The following PISD variants were observed in gnomAD, a reference collection of about 807,000 sequenced individuals.
PISD encodes phosphatidylserine decarboxylase.
Under a neutral mutation model 43.5 loss-of-function variants are expected in PISD, and 31 were observed. That is an observed-to-expected ratio of 0.71 (90% confidence interval 0.54 to 0.96). The LOEUF (loss-of-function observed/expected upper bound fraction) is 0.96, where lower values mean the gene tolerates loss of function less well. PISD is among the 40% of genes least tolerant of loss of function. PISD has a pLI of 0.00. For missense variants in PISD, 523 were observed against 548.4 expected, an observed-to-expected ratio of 0.95 and a Z score of 0.46; for synonymous variants, 259 against 228.7, an observed-to-expected ratio of 1.13 and a Z score of -1.20.
rs16989329 is a variant in PISD, at chr22:31,619,431, G to A, written c.*181C>T. 11,360 of 685,188 alleles carry A rather than the reference G, an allele frequency of 0.017. 115 individuals are homozygous for A. The highest frequency in any genetic ancestry group is 0.041 in the African/African-American group (2,341 of 57,012). 42.4% of individuals were successfully genotyped at this position (685,188 alleles called of 1,614,324 possible). ...GTTGAGGGGCATGATGGGGGCTCTC[G>A]CCACCTCTTGTCTGCACCTCTGGAA... On this transcript the variant is annotated 3_prime_UTR_variant, in exon 8 of 8. Transcript: ENST00000439502.
At chr22:31,648,001 A>G in intron 3 of PISD, 100 bp downstream of exon 3, 1 of 1,028,854 alleles carries the variant, frequency 9.7e-7, no homozygotes, top group Non-Finnish European at 1.4e-6. Context: ...CCAAGAAAGC[A>G]TATTTGACTT....
chr22:31,657,024 G>A lies in PISD; in HGVS notation c.65+5120C>T, dbSNP rs552595408. ...GCATATATATCTATGTGTTACATGA[G>A]CTAGTTTGATACAGGCACGCAATAT... On this transcript the variant is annotated intron_variant, in intron 1 of 7. Coordinates refer to ENST00000439502, the MANE Select transcript of PISD (RefSeq NM_001326411.2). Among the ~76,000 whole-genome samples the A allele has an allele frequency of 6.6e-5, 10 of 152,242 alleles. No individual in the cohort carries two copies. In the East Asian group the frequency reaches 1.9e-3, roughly 29 times the overall value.
chr22:31,620,344 C>A (rs1007460633), intron 7 of PISD, among the ~76,000 whole-genome samples: 3 of 152,254 alleles, frequency 2.0e-5, no homozygotes, highest in Non-Finnish European at 4.4e-5. Context: ...CCAGCCACTT[C>A]CAGCCAGCAG....
chr22:31,623,835 T>A, intron 3 of PISD: 1 of 1,613,474 alleles, frequency 6.2e-7, no homozygotes, highest in Non-Finnish European at 8.5e-7. Context: ...CAGGGCCAGC[T>A]GGGGGAAGTG....
upstream of PISD, chr22:31,662,230 T>A (rs781098843): frequency 9.8e-5 from 157 of 1,600,704 alleles, 2 homozygotes; most frequent in Admixed American, 2.0e-3. Context: ...CTTCTCAGCG[T>A]GCCACGCCCC....
intron 3 of PISD, among the ~76,000 whole-genome samples, chr22:31,637,075 C>G (rs543759395): frequency 6.8e-6 from 1 of 147,290 alleles, no homozygotes; most frequent in East Asian, 2.0e-4. Flanking sequence ...ATCACTTGAG[C>G]CCAGGAGGTT....
At chr22:31,624,706 A>C (rs1338333576) in intron 3 of PISD, among the ~76,000 whole-genome samples, 1 of 126,346 alleles carries the variant, frequency 7.9e-6, no homozygotes, top group East Asian at 2.4e-4. Context: ...CCTTTCAGCA[A>C]AGGTGGACAC....
chr22:31,620,416 G>A, intron 7 of PISD, 137 bp downstream of exon 7: 2 of 812,146 alleles, frequency 2.5e-6, no homozygotes, highest in Non-Finnish European at 3.8e-6. Flanking sequence ...CAGGACAGCT[G>A]CTCAGCAGAG....
chr22:31,651,517 G>A (rs112954137), intron 1 of PISD, among the ~76,000 whole-genome samples: 1,674 of 152,214 alleles, frequency 0.011, 32 homozygotes, highest in African/African-American at 0.038. Flanking sequence ...GGGAGGCCGA[G>A]GCGGGCAGAT....
intron 3 of PISD, among the ~76,000 whole-genome samples, chr22:31,647,491 G>C (rs1007778294): frequency 6.6e-6 from 1 of 151,966 alleles, no homozygotes; most frequent in Admixed American, 6.6e-5. Flanking sequence ...TTTTTTATTT[G>C]TTAAATTATG....
chr22:31,621,644 C>T lies in PISD; in HGVS notation c.558+5G>A. ...TTCCTGCAGGAGGAAAGGGTCAGGC[C>T]TCACCACGCTGTGCAGGCCACAGAC... is the stretch of plus-strand genomic sequence containing the variant. On this transcript the variant is annotated splice_donor_5th_base_variant and intron_variant, in intron 4 of 7. Coordinates refer to ENST00000439502, the MANE Select transcript of PISD (RefSeq NM_001326411.2). The T allele has an allele frequency of 3.1e-6, 5 of 1,612,452 alleles. No homozygotes were observed. Among genetic ancestry groups the T allele is most frequent in the Non-Finnish European group, 4.2e-6 (5 of 1,179,068 alleles).
Position 31,618,540 on chromosome 22 carries a change from T to A in PISD, c.*1072A>T. 4 of 1,039,190 alleles carry A rather than the reference T, an allele frequency of 3.8e-6. No individual in the cohort carries two copies. The highest frequency in any genetic ancestry group is 5.3e-6 in the Non-Finnish European group (4 of 757,962). The allele number at this position is 1,039,190 out of a possible 1,614,324, so 64.4% of individuals were successfully genotyped here. Reference sequence around the variant, plus strand: ...CAAAATGCTTTGCAATTAAATGAATTACTGTTCAGAAGTCTCCCACTTTTC... The same window carrying A: ...CAAAATGCTTTGCAATTAAATGAATAACTGTTCAGAAGTCTCCCACTTTTC... On this transcript the variant is annotated 3_prime_UTR_variant, in exon 8 of 8. Transcript: ENST00000439502.
intron 3 of PISD, chr22:31,625,446 G>C: frequency 2.0e-6 from 1 of 494,996 alleles, no homozygotes; most frequent in Non-Finnish European, 3.6e-6. Flanking sequence ...CCTAGGTGGG[G>C]TGCAGAGGCA....
intron 6 of PISD, 60 bp downstream of exon 6, chr22:31,620,936 C>G: frequency 7.1e-6 from 11 of 1,539,588 alleles, no homozygotes; most frequent in Non-Finnish European, 9.6e-6. Context: ...CACCAAGAAG[C>G]TGAGAGCCTC....
At chr22:31,627,611 A>G (rs2072980109) in intron 3 of PISD, among the ~76,000 whole-genome samples, 1 of 152,248 alleles carries the variant, frequency 6.6e-6, no homozygotes, top group African/African-American at 2.4e-5. Context: ...AACTGAGCTC[A>G]CAGCCAGGAT....
intron 3 of PISD, chr22:31,626,185 T>C: frequency 4.9e-6 from 2 of 405,398 alleles, no homozygotes; most frequent in Non-Finnish European, 7.5e-6. Context: ...ATCCTCTTCC[T>C]CAGCTGGCCT....
At chr22:31,638,925 GA>G (rs1476836154) in intron 3 of PISD, among the ~76,000 whole-genome samples, 4 of 149,388 alleles carry the variant, frequency 2.7e-5, no homozygotes, top group Non-Finnish European at 5.9e-5. Flanking sequence ...CTGGGAGGTC[GA>G]GGCCGTGGTG....
At chr22:31,634,339 A>G (rs984668670) in intron 3 of PISD, among the ~76,000 whole-genome samples, 8 of 152,226 alleles carry the variant, frequency 5.3e-5, no homozygotes, top group African/African-American at 1.9e-4. Flanking sequence ...CCAGGCAAGC[A>G]CAAAGTGCCT....
In PISD at chr22:31,650,713, C is replaced by A. The variant is rs187126874; in HGVS notation, c.131G>T (p.Arg44Ile). The A allele has an allele frequency of 2.3e-3, 3,607 of 1,552,118 alleles. 3 individuals are homozygous for A. The highest frequency in any genetic ancestry group is 2.9e-3 in the Non-Finnish European group (3,331 of 1,146,892). Residue 44 changes from arginine to isoleucine, a missense_variant, in exon 2 of 8, where the codon AGA (arginine) becomes ATA (isoleucine). Transcript: ENST00000439502. ...SLQPLRKLPF[R>I]AFRTDARKIH... ...TTGCTCCTTACCTGTGCGAAAGGCTCTAAAAGGCAGCTTCCGTAAGGGCTG... is the reference window on the plus strand; with the variant it reads ...TTGCTCCTTACCTGTGCGAAAGGCTATAAAAGGCAGCTTCCGTAAGGGCTG...
Sources: gnomAD v4.1 joint callset for allele counts (sites outside exome capture counted in the v4.1 genomes callset) on GRCh38, gnomAD v4.1.1 for gene constraint, MANE v1.5 for transcripts, NCBI Gene and HGNC (gene_info 2026-07-23, HGNC 2026-07-21) for gene names.